AGMO: variants seen among roughly 807,000 people sequenced by gnomAD.
The protein encoded by AGMO is glyceryl-ether monooxygenase.
A neutral mutation model predicts 60.2 loss-of-function variants in AGMO; 75 were observed. The observed-to-expected ratio is 1.25, with a 90% CI of 1.03 to 1.51. The LOEUF is 1.51. Among genes scored for constraint, AGMO ranks in the 40% most tolerant of loss-of-function variants. The probability of loss-of-function intolerance (pLI) is 0.00; values close to 1 mark genes in which losing one functional copy is unlikely to be tolerated. For missense variants in AGMO, 763 were observed against 525.5 expected (o/e 1.45, Z -4.42); for synonymous variants, 261 against 177.1 (o/e 1.47, Z -3.76).
At chr7:15,548,759 A>T (rs1459566673) in intron 2 of AGMO, among the ~76,000 whole-genome samples, 7 of 152,228 alleles carry the variant, frequency 4.6e-5, no homozygotes, top group Non-Finnish European at 7.3e-5. Flanking sequence ...ATTATCCAGG[A>T]GAACTTCCCC....
rs552791559 is a variant in AGMO at position 15,551,852 on chromosome 7, G to A, written c.258-6929C>T. On this transcript the variant is annotated intron_variant, in intron 2 of 12. Transcript: ENST00000342526. ...TTCATATGGAATCAAAAAAGAGCCCGCATCACCAAGGCAATCCTAAGCCAA... is the reference window on the plus strand; with the variant it reads ...TTCATATGGAATCAAAAAAGAGCCCACATCACCAAGGCAATCCTAAGCCAA... Among the ~76,000 whole-genome samples, 146 of 152,182 alleles carry A rather than the reference G, an allele frequency of 9.6e-4. 3 individuals carry two copies. The South Asian group carries it at 0.018, about 19-fold the overall frequency.
At chr7:15,221,956 T>C (rs1781936872) in intron 12 of AGMO, among the ~76,000 whole-genome samples, 1 of 152,164 alleles carries the variant, frequency 6.6e-6, no homozygotes, top group South Asian at 2.1e-4. Context: ...TTTCCAATTA[T>C]TTCAAACTTC....
chr7:15,146,850 C>T, the AGMO span, among the ~76,000 whole-genome samples: 1 of 152,094 alleles, frequency 6.6e-6, no homozygotes, highest in Non-Finnish European at 1.5e-5. Context: ...ATATTGACAG[C>T]ATAAAAAGTA....
intron 3 of AGMO, among the ~76,000 whole-genome samples, chr7:15,501,884 C>T (rs1242100588): frequency 6.6e-6 from 1 of 151,926 alleles, no homozygotes; most frequent in African/African-American, 2.4e-5. Context: ...TTTCAAGGAG[C>T]TTTCCCTATC....
intron 12 of AGMO, chr7:15,306,571 TAAAA>T: frequency 2.7e-6 from 1 of 373,374 alleles, no homozygotes; most frequent in Non-Finnish European, 5.3e-6. Context: ...TATGACTGTG[TAAAA>T]AAAAAAAAGC....
chr7:15,487,904 C>T (rs997915649), intron 3 of AGMO, among the ~76,000 whole-genome samples: 1 of 152,090 alleles, frequency 6.6e-6, no homozygotes, highest in African/African-American at 2.4e-5. Flanking sequence ...ACTGCTAATA[C>T]TACATCATCT....
chr7:15,322,727 T>TATATAAATATATAAATATATATAA (rs35047007), intron 12 of AGMO, among the ~76,000 whole-genome samples: 1 of 78,750 alleles, frequency 1.3e-5, no homozygotes, highest in Non-Finnish European at 2.5e-5. Context: ...TATATAAATA[T>TATATAAATATATAAATATATATAA]ATATATAAAT....
In AGMO at chr7:15,379,114, T is replaced by C. The variant is rs543326476; in HGVS notation, c.1074+6332A>G. ...CATACCAGAATCTCTAGGACACAGC[T>C]AAGGCAGTGTTAAGAGAGAAATTTA... is the stretch of plus-strand genomic sequence containing the variant. On this transcript the variant is annotated intron_variant, in intron 10 of 12. Transcript: ENST00000342526. Among the ~76,000 whole-genome samples, 18 of 152,136 alleles carry C rather than the reference T, an allele frequency of 1.2e-4. No individual in the cohort carries two copies. In the South Asian group the frequency reaches 3.7e-3, roughly 32 times the overall value.
intron 10 of AGMO, among the ~76,000 whole-genome samples, chr7:15,376,860 A>G (rs989000586): frequency 5.3e-5 from 8 of 152,090 alleles, no homozygotes; most frequent in African/African-American, 1.9e-4. Context: ...TAAACACTAT[A>G]TATTTAAATA....
At chr7:15,541,676 A>G (rs1305982735) in intron 3 of AGMO, among the ~76,000 whole-genome samples, 1 of 152,180 alleles carries the variant, frequency 6.6e-6, no homozygotes, top group Non-Finnish European at 1.5e-5. Context: ...AATGTTGAGA[A>G]TAAACTGTTT....
chr7:15,265,324 A>C (rs531895108), intron 12 of AGMO, among the ~76,000 whole-genome samples: 166 of 152,034 alleles, frequency 1.1e-3, no homozygotes, highest in African/African-American at 3.8e-3. Flanking sequence ...CTAAAGAACT[A>C]CCTGTTGGGT....
chr7:15,134,748 T>C, the AGMO span, among the ~76,000 whole-genome samples: 1 of 152,074 alleles, frequency 6.6e-6, no homozygotes, highest in African/African-American at 2.4e-5. Flanking sequence ...TTGTGAACAG[T>C]GGAGTTGGGG....
At chr7:15,275,264 G>A (rs964156616) in intron 12 of AGMO, among the ~76,000 whole-genome samples, 1 of 151,814 alleles carries the variant, frequency 6.6e-6, no homozygotes, top group Non-Finnish European at 1.5e-5. Context: ...CCTCATTCAA[G>A]ATTTTTTTGA....
chr7:15,387,233 TTGGCACAA>T (rs1562478488), intron 9 of AGMO, among the ~76,000 whole-genome samples, 165 bp downstream of exon 9: 5 of 152,256 alleles, frequency 3.3e-5, no homozygotes, highest in African/African-American at 1.2e-4. Flanking sequence ...ACTCCTTTAA[TTGGCACAA>T]AGTTGGTGGA....
chr7:15,361,917 G>A (rs1782782237), intron 12 of AGMO, among the ~76,000 whole-genome samples: 1 of 152,116 alleles, frequency 6.6e-6, no homozygotes, highest in Non-Finnish European at 1.5e-5. Context: ...TCACAGGGTT[G>A]CAAGCTGATG....
chr7:15,206,442 C>G (rs559776526), intron 12 of AGMO, among the ~76,000 whole-genome samples: 2 of 152,150 alleles, frequency 1.3e-5, no homozygotes, highest in South Asian at 4.2e-4. Flanking sequence ...TGCATTATCT[C>G]TTTGTGCTTA....
At chr7:15,199,798 A>G (rs541339879), downstream of AGMO, among the ~76,000 whole-genome samples, 2 of 152,324 alleles carry the variant, frequency 1.3e-5, no homozygotes, top group South Asian at 2.1e-4. Context: ...TTAAATTAAG[A>G]AGTATAAAAA....
intron 12 of AGMO, among the ~76,000 whole-genome samples, chr7:15,292,994 C>T (rs748681199): frequency 6.6e-6 from 1 of 151,936 alleles, no homozygotes; most frequent in Non-Finnish European, 1.5e-5. Flanking sequence ...AACTCCTGAC[C>T]TCAGGTGATC....
At chr7:15,338,639 TC>T in intron 12 of AGMO, among the ~76,000 whole-genome samples, 3 of 152,090 alleles carry the variant, frequency 2.0e-5, no homozygotes, top group African/African-American at 7.2e-5. Context: ...ATATAATATT[TC>T]TAAAGATTTA....
Sources: allele counts gnomAD v4.1 joint callset (sites outside exome capture counted in the v4.1 genomes callset), GRCh38; gene constraint gnomAD v4.1.1; transcripts MANE v1.5; gene names NCBI Gene and HGNC (gene_info 2026-07-23, HGNC 2026-07-21).